THSD1: variants seen among roughly 807,000 people sequenced by gnomAD.
The protein encoded by THSD1 is thrombospondin type-1 domain-containing protein 1.
In THSD1, 34 loss-of-function variants were observed where a neutral mutation model predicts 46.3. That is an observed-to-expected ratio of 0.74 (90% CI 0.56 to 0.98). The LOEUF is 0.98. Among genes scored for constraint, THSD1 ranks in the 50% least tolerant of loss-of-function variants. The pLI is 0.00. For missense variants in THSD1, 1,023 were observed against 1,058.3 expected, an observed-to-expected ratio of 0.97 and a Z score of 0.46; for synonymous variants, 407 against 416.5, an observed-to-expected ratio of 0.98 and a Z score of 0.28.
rs1239843893 is a variant in THSD1 at position 52,378,508 on chromosome 13, T to G, written c.1462A>C (p.Ser488Arg). ...AGAGGGATGCCTGTGTCCCCTGGACTCCCCGTGGGCCCGTCTCCCCCATCC... is the reference window on the plus strand; with the variant it reads ...AGAGGGATGCCTGTGTCCCCTGGACGCCCCGTGGGCCCGTCTCCCCCATCC... ...FSDGGDGPTG[S>R]PGDTGIPLTY... The change falls in exon 5 of 5, where the codon AGT becomes CGT. Residue 488 changes from serine to arginine, a missense_variant. Coordinates refer to ENST00000258613, the MANE Select transcript of THSD1 (RefSeq NM_018676.4). 1 of 1,614,012 alleles carries G rather than the reference T, an allele frequency of 6.2e-7. No individual in the cohort carries two copies. The highest frequency in any genetic ancestry group is 8.5e-7 in the Non-Finnish European group (1 of 1,180,030).
chr13:52,377,841 T>C lies in THSD1; in HGVS notation c.2129A>G (p.Glu710Gly), dbSNP rs202104981. The C allele has an allele frequency of 6.2e-7, 1 of 1,614,156 alleles. No homozygotes were observed. Among genetic ancestry groups the C allele is most frequent in the African/African-American group, 1.3e-5 (1 of 75,026 alleles). The stretch of plus-strand genomic sequence containing the variant: ...GGTTCCACTTGCCTCTTGGAAATGC[T>C]CCAGTTTTTCAGGAAACAGGTGGGC... The part of the protein sequence containing the change: ...RGAHLFPEKL[E>G]HFQEASGTRG... The change falls in exon 5 of 5, where the codon GAG (glutamate) becomes GGG (glycine). Residue 710 changes from glutamate to glycine, a missense_variant. Coordinates refer to ENST00000258613, the MANE Select transcript of THSD1 (RefSeq NM_018676.4).
intron 3 of THSD1, among the ~76,000 whole-genome samples, chr13:52,395,340 A>G (rs1957803479): frequency 1.3e-5 from 2 of 152,202 alleles, no homozygotes; most frequent in Non-Finnish European, 2.9e-5. Context: ...AGACAAAGCC[A>G]TAGGACTCAG....
intron 3 of THSD1, among the ~76,000 whole-genome samples, chr13:52,395,924 C>T (rs532283217): frequency 2.1e-4 from 32 of 152,312 alleles, no homozygotes; most frequent in Admixed American, 6.5e-4. Context: ...GCCTTAGCAA[C>T]TTGGGTGCAG....
At chr13:52,385,333 G>A (rs1957722758) in intron 4 of THSD1, among the ~76,000 whole-genome samples, 1 of 152,220 alleles carries the variant, frequency 6.6e-6, no homozygotes. Flanking sequence ...TATTCAGTGT[G>A]TAACTCATGG....
In THSD1 at chr13:52,397,748, C is replaced by T; in HGVS notation, c.505G>A (p.Val169Ile). The change falls in exon 3 of 5, where the codon GTC becomes ATC. Residue 169 changes from valine to isoleucine, a missense_variant. Transcript: ENST00000258613. Reference sequence around the variant, plus strand: ...TCAGGAAGACTGTTGGTGAAGATGACATCCACTACGATGTTGGGCTTGTCC... The same window carrying T: ...TCAGGAAGACTGTTGGTGAAGATGATATCCACTACGATGTTGGGCTTGTCC... ...PVDKPNIVVD[V>I]IFTNSLPEAR... 3.1e-6 allele frequency: 5 copies of T among 1,614,204 alleles called. No individual in the cohort carries two copies. The highest frequency in any genetic ancestry group is 4.2e-6 in the Non-Finnish European group (5 of 1,180,038).
Position 52,378,125 on chromosome 13 carries a change from A to G in THSD1, c.1845T>C (p.Ser615=). Residue 615 remains serine, a synonymous_variant, in exon 5 of 5, where the codon AGT becomes AGC. Coordinates refer to ENST00000258613, the MANE Select transcript of THSD1 (RefSeq NM_018676.4). ...SRLDLNVTQA[S]CAISPSQTLI... ...GAGTCTGGCTGGGGCTTATGGCACA[A>G]CTGGCCTGAGTCACATTTAGATCCA... The G allele has an allele frequency of 1.2e-6, 2 of 1,614,212 alleles. No individual in the cohort carries two copies. Among genetic ancestry groups the G allele is most frequent in the Non-Finnish European group, 1.7e-6 (2 of 1,180,028 alleles).
chr13:52,403,575 G>A (rs1016647839), intron 1 of THSD1, among the ~76,000 whole-genome samples: 21 of 151,998 alleles, frequency 1.4e-4, no homozygotes, highest in African/African-American at 4.4e-4. Flanking sequence ...TCCGCTTCCC[G>A]GGTTCACGCC....
Position 52,386,155 on chromosome 13 carries a change from C to G in THSD1, c.1053G>C (p.Gln351His). The change falls in exon 4 of 5, where the codon CAG (glutamine) becomes CAC (histidine). Residue 351 changes from glutamine (Q) to histidine (H), a missense_variant. Coordinates refer to ENST00000258613, the MANE Select transcript of THSD1 (RefSeq NM_018676.4). ...ETWGLWQPWS[Q>H]CSATCGDGVR... ...CACCATCCCCACATGTGGCACTACA[C>G]TGGCTCCATGGCTGCCACAGTCCCC... is the stretch of plus-strand genomic sequence containing the variant. The G allele has an allele frequency of 6.2e-7, 1 of 1,614,194 alleles. No homozygotes were observed. The highest frequency in any genetic ancestry group is 8.5e-7 in the Non-Finnish European group (1 of 1,180,026).
intron 2 of THSD1, among the ~76,000 whole-genome samples, chr13:52,401,305 CT>C (rs1190403591): frequency 7.7e-4 from 106 of 138,392 alleles, no homozygotes; most frequent in Admixed American, 9.5e-4. Context: ...GGATAAATTA[CT>C]TTTTTTTTTT....
chr13:52,380,065 C>T (rs1039580525), intron 4 of THSD1, among the ~76,000 whole-genome samples: 1 of 152,084 alleles, frequency 6.6e-6, no homozygotes, highest in Non-Finnish European at 1.5e-5. Flanking sequence ...CCATCCACTC[C>T]CCTTCCTACC....
intron 3 of THSD1, among the ~76,000 whole-genome samples, chr13:52,392,211 A>AAAAAG (rs56879281): frequency 1.3e-5 from 2 of 149,886 alleles, no homozygotes; most frequent in Non-Finnish European, 1.5e-5. Context: ...AAAAAAAAAA[A>AAAAAG]GTAAAATCAT....
chr13:52,398,628 TTGTGC>T, intron 2 of THSD1: 1 of 984,766 alleles, frequency 1.0e-6, no homozygotes, highest in Non-Finnish European at 1.2e-6. Flanking sequence ...AAGCTGGCCA[TTGTGC>T]TCTTTCCATG....
In THSD1 at chr13:52,378,441, G is replaced by A; in HGVS notation, c.1529C>T (p.Ala510Val). 1 of 1,614,188 alleles carries A rather than the reference G, an allele frequency of 6.2e-7. No homozygotes were observed. The highest frequency in any genetic ancestry group is 8.5e-7 in the Non-Finnish European group (1 of 1,180,038). The change falls in exon 5 of 5, where the codon GCC becomes GTC. Residue 510 changes from alanine to valine, a missense_variant. Transcript: ENST00000258613. ...RSGPVPPEDD[A>V]SGSESFQSNA... ...GGACTGGAAGCTCTCGCTGCCAGAG[G>A]CATCATCCTCGGGAGGTACCGGCCC...
chr13:52,378,112 G>T lies in THSD1; in HGVS notation c.1858C>A (p.Pro620Thr). 1 of 1,614,196 alleles carries T rather than the reference G, an allele frequency of 6.2e-7. No homozygotes were observed. Among genetic ancestry groups the T allele is most frequent in the East Asian group, 2.2e-5 (1 of 44,870 alleles). ...NVTQASCAIS[P>T]SQTLIRKSQA... ...GACTTGCGGATCAGAGTCTGGCTGG[G>T]GCTTATGGCACAACTGGCCTGAGTC... The change falls in exon 5 of 5, where the codon CCC (proline) becomes ACC (threonine). Residue 620 changes from proline to threonine, a missense_variant. By Grantham distance (38) the Pro-to-Thr change is conservative. Around this residue, in one of 3 missense-constraint regions of THSD1, gnomAD observed 578 missense variants for 497.4 expected, o/e 1.16. Coordinates refer to ENST00000258613, the MANE Select transcript of THSD1 (RefSeq NM_018676.4).
At chr13:52,391,687 GC>G (rs1957773855) in intron 3 of THSD1, among the ~76,000 whole-genome samples, 1 of 151,838 alleles carries the variant, frequency 6.6e-6, no homozygotes, top group Non-Finnish European at 1.5e-5. Flanking sequence ...GGGACTACAG[GC>G]ACGTGCCACC....
At chr13:52,400,096 TAA>T (rs57788028) in intron 2 of THSD1, 24 of 137,414 alleles carry the variant, frequency 1.7e-4, no homozygotes, top group South Asian at 2.3e-4. Flanking sequence ...TTGACTGGCT[TAA>T]AAAAAAAAAA....
intron 2 of THSD1, among the ~76,000 whole-genome samples, chr13:52,401,369 G>A (rs1253927138): frequency 1.3e-5 from 2 of 151,496 alleles, no homozygotes; most frequent in Admixed American, 6.6e-5. Context: ...GTGCGATCTC[G>A]GCTCACTGCA....
At chr13:52,395,789 T>C (rs757077682) in intron 3 of THSD1, among the ~76,000 whole-genome samples, 2 of 152,116 alleles carry the variant, frequency 1.3e-5, no homozygotes, top group Non-Finnish European at 2.9e-5. Context: ...ACCTCATTTG[T>C]TGTGTAGAAC....
chr13:52,402,433 T>A, intron 2 of THSD1, 110 bp downstream of exon 2: 1 of 1,039,212 alleles, frequency 9.6e-7, no homozygotes, highest in Non-Finnish European at 1.4e-6. Context: ...CACTGCACTA[T>A]ATACCCTACC....
Sources: gnomAD v4.1 joint callset for allele counts (sites outside exome capture counted in the v4.1 genomes callset) on GRCh38, gnomAD v4.1.1 for gene constraint, gnomAD v4.1.1 regional missense constraint, MANE v1.5 for transcripts, NCBI Gene and HGNC (gene_info 2026-07-23, HGNC 2026-07-21) for gene names.